Variants in MAPRE2 observed in about 807,000 individuals in gnomAD.
MAPRE2 encodes microtubule associated protein RP/EB family member 2.
A neutral mutation model predicts 43.2 loss-of-function variants in MAPRE2; 13 were observed. The observed-to-expected ratio is 0.30, with a 90% confidence interval of 0.20 to 0.48. The LOEUF (loss-of-function observed/expected upper bound fraction) is 0.48. Among genes scored for constraint, MAPRE2 ranks in the 20% least tolerant of loss-of-function variants. The pLI, the probability that MAPRE2 is intolerant of heterozygous loss-of-function variation, is 0.99. For synonymous variants in MAPRE2, 135 were observed against 148.8 expected, an observed-to-expected ratio of 0.91 and a Z score of 0.68; for missense variants, 161 against 400.2, an observed-to-expected ratio of 0.40 and a Z score of 5.10.
chr18:34,997,645 G>A (rs575267332), intron 1 of MAPRE2, among the ~76,000 whole-genome samples: 1 of 152,168 alleles, frequency 6.6e-6, no homozygotes, highest in East Asian at 1.9e-4. Context: ...GTGAAACCCC[G>A]TCTCTACTAA....
chr18:35,103,011 G>A (rs1908749453), intron 4 of MAPRE2, among the ~76,000 whole-genome samples: 1 of 151,272 alleles, frequency 6.6e-6, no homozygotes, highest in African/African-American at 2.5e-5. Context: ...AGTAGAAATG[G>A]TTAACAGGAC....
chr18:34,979,676 A>G (rs781679105), intron 1 of MAPRE2, among the ~76,000 whole-genome samples: 14 of 152,204 alleles, frequency 9.2e-5, no homozygotes, highest in South Asian at 8.3e-4. Context: ...TTTGCATACA[A>G]AAAAGTCAAA....
At chr18:35,095,525 T>TTG (rs1372449043) in intron 2 of MAPRE2, among the ~76,000 whole-genome samples, 2 of 148,698 alleles carry the variant, frequency 1.3e-5, no homozygotes, top group African/African-American at 5.0e-5. Context: ...GGAAGAGGGT[T>TTG]TTTTTTTTTT....
intron 4 of MAPRE2, among the ~76,000 whole-genome samples, 197 bp downstream of exon 4, chr18:35,102,356 T>G (rs1035689938): frequency 6.6e-6 from 1 of 152,214 alleles, no homozygotes; most frequent in Admixed American, 6.5e-5. Context: ...CCATCTTCAT[T>G]TAAACTATTA....
At chr18:35,028,481 AG>A (rs2097046363) in intron 2 of MAPRE2, among the ~76,000 whole-genome samples, 1 of 152,166 alleles carries the variant, frequency 6.6e-6, no homozygotes, top group Admixed American at 6.6e-5. Context: ...TTAATTCCCC[AG>A]TACTAACTTT....
At chr18:35,105,687 G>C (rs1908871669) in intron 4 of MAPRE2, among the ~76,000 whole-genome samples, 1 of 151,856 alleles carries the variant, frequency 6.6e-6, no homozygotes, top group African/African-American at 2.4e-5. Context: ...AATAAAGATG[G>C]GGATGTGGTT....
chr18:35,099,507 C>G (rs1420653668), intron 3 of MAPRE2, among the ~76,000 whole-genome samples: 1 of 152,080 alleles, frequency 6.6e-6, no homozygotes, highest in East Asian at 1.9e-4. Context: ...CTCAGCTACT[C>G]AGGAGGCTGA....
intron 2 of MAPRE2, among the ~76,000 whole-genome samples, chr18:35,080,370 A>G (rs1907573340): frequency 6.6e-6 from 1 of 152,200 alleles, no homozygotes; most frequent in East Asian, 1.9e-4. Context: ...TCCCTTTACT[A>G]CCAAAGTTCT....
chr18:34,990,280 C>T (rs2097023103), intron 1 of MAPRE2, among the ~76,000 whole-genome samples: 1 of 152,124 alleles, frequency 6.6e-6, no homozygotes, highest in East Asian at 1.9e-4. Context: ...CTGCCAAAAA[C>T]TTCATTTCTT....
chr18:35,112,938 A>G (rs1220155123), intron 4 of MAPRE2, among the ~76,000 whole-genome samples: 1 of 152,198 alleles, frequency 6.6e-6, no homozygotes, highest in Non-Finnish European at 1.5e-5. Flanking sequence ...GTCCACATAC[A>G]TGGTGCCTTC....
At chr18:35,136,693 G>C (rs1288635576) in intron 6 of MAPRE2, among the ~76,000 whole-genome samples, 1 of 152,170 alleles carries the variant, frequency 6.6e-6, no homozygotes, top group Non-Finnish European at 1.5e-5. Context: ...GCTGCAGGGT[G>C]GTGCCTTCCA....
Position 35,099,490 on chromosome 18 carries a change from G to A in MAPRE2, c.396+1899G>A, listed in dbSNP as rs75905499. 3.8e-3 allele frequency among the ~76,000 whole-genome samples: 578 copies of A among 152,184 alleles called. 5 individuals carry two copies. The highest frequency in any genetic ancestry group is 0.013 in the African/African-American group (546 of 41,528). The stretch of plus-strand genomic sequence containing the variant: ...AATTGCCAGGTGCAGTGGCACATAC[G>A]TGTAGGCTCAGCTACTCAGGAGGCT... On this transcript the variant is annotated intron_variant, in intron 3 of 6. Coordinates refer to ENST00000300249, the MANE Select transcript of MAPRE2 (RefSeq NM_014268.4).
chr18:35,089,457 A>G (rs1391365978), intron 2 of MAPRE2, among the ~76,000 whole-genome samples: 4 of 152,256 alleles, frequency 2.6e-5, no homozygotes, highest in African/African-American at 9.6e-5. Flanking sequence ...TTACAATTCA[A>G]CAATAAAAAA....
intron 1 of MAPRE2, among the ~76,000 whole-genome samples, chr18:35,003,422 G>A (rs895556641): frequency 6.6e-6 from 1 of 152,192 alleles, no homozygotes; most frequent in Non-Finnish European, 1.5e-5. Flanking sequence ...CCACTACTCT[G>A]AGCCTCTGTT....
intron 1 of MAPRE2, among the ~76,000 whole-genome samples, chr18:34,980,037 T>C (rs1018492991): frequency 0.016 from 382 of 23,510 alleles, 1 homozygote; most frequent in African/African-American, 0.035. Context: ...TTTTCTTTTT[T>C]TTTTTTTTTT....
chr18:35,015,146 C>A (rs2097037353), intron 2 of MAPRE2, among the ~76,000 whole-genome samples: 1 of 152,036 alleles, frequency 6.6e-6, no homozygotes, highest in African/African-American at 2.4e-5. Context: ...ACTTTCCTGG[C>A]CAGAGAGTCA....
At chr18:34,988,445 A>G (rs1488906926) in intron 1 of MAPRE2, 1 of 152,176 alleles carries the variant, frequency 6.6e-6, no homozygotes, top group African/African-American at 2.4e-5. Flanking sequence ...CTTCATCAAC[A>G]TCCTTCAAAT....
intron 1 of MAPRE2, among the ~76,000 whole-genome samples, chr18:35,047,475 C>T (rs1905688329): frequency 6.6e-6 from 1 of 151,908 alleles, no homozygotes; most frequent in African/African-American, 2.4e-5. Flanking sequence ...TGTTTCTGGC[C>T]CTTGGTCTTT....
chr18:34,981,705 CT>C (rs2097016281), intron 1 of MAPRE2, among the ~76,000 whole-genome samples: 1 of 152,074 alleles, frequency 6.6e-6, no homozygotes. Flanking sequence ...GCATTGACTC[CT>C]GGATTATTGA....
Sources: allele counts gnomAD v4.1 joint callset (sites outside exome capture counted in the v4.1 genomes callset), GRCh38; gene constraint gnomAD v4.1.1; transcripts MANE v1.5; gene names NCBI Gene and HGNC (gene_info 2026-07-23, HGNC 2026-07-21).